SYNDIG1: variants seen among roughly 807,000 people sequenced by gnomAD.
The protein encoded by SYNDIG1 is synapse differentiation inducing 1.
A neutral mutation model predicts 19.4 loss-of-function variants in SYNDIG1; 9 were observed. The observed-to-expected ratio is 0.46, with a 90% CI of 0.28 to 0.81. The LOEUF is 0.81. Ranked by LOEUF, SYNDIG1 falls within the 30% of genes least tolerant of loss-of-function variation. The probability of loss-of-function intolerance (pLI) is 0.12; values close to 1 mark genes in which losing one functional copy is unlikely to be tolerated. For synonymous variants in SYNDIG1, 141 were observed against 145.9 expected, an observed-to-expected ratio of 0.97 and a Z score of 0.24; for missense variants, 311 against 343.3, an observed-to-expected ratio of 0.91 and a Z score of 0.74.
intron 3 of SYNDIG1, among the ~76,000 whole-genome samples, chr20:24,608,480 A>G (rs1419184353): frequency 2.6e-5 from 4 of 152,108 alleles, no homozygotes; most frequent in Admixed American, 6.5e-5. Flanking sequence ...CGCCCCACCA[A>G]TAAAATCTTA....
At chr20:24,495,303 C>T (rs1229333248) in intron 1 of SYNDIG1, 2 of 152,314 alleles carry the variant, frequency 1.3e-5, no homozygotes, top group Non-Finnish European at 2.9e-5. Flanking sequence ...CTGCCCCTGG[C>T]TTGCTGGAGG....
At chr20:24,611,382 G>GTACC (rs1312094655) in intron 3 of SYNDIG1, among the ~76,000 whole-genome samples, 1 of 152,154 alleles carries the variant, frequency 6.6e-6, no homozygotes, top group Non-Finnish European at 1.5e-5. Flanking sequence ...CAGTAAGCTG[G>GTACC]TACCTGTCCC....
At chr20:24,513,247 C>T (rs1473196258) in intron 1 of SYNDIG1, among the ~76,000 whole-genome samples, 9 of 152,208 alleles carry the variant, frequency 5.9e-5, no homozygotes, top group East Asian at 1.9e-4. Context: ...CGCAGCTCCT[C>T]GCCAGCAATG....
intron 3 of SYNDIG1, among the ~76,000 whole-genome samples, chr20:24,644,447 C>A (rs2059405572): frequency 6.6e-6 from 1 of 152,210 alleles, no homozygotes; most frequent in Non-Finnish European, 1.5e-5. Flanking sequence ...CTGGGATGCA[C>A]TTAGTGCCTT....
chr20:24,490,176 C>A (rs545399016), intron 1 of SYNDIG1, among the ~76,000 whole-genome samples: 2 of 152,176 alleles, frequency 1.3e-5, no homozygotes, highest in Non-Finnish European at 2.9e-5. Flanking sequence ...AGTGCCTCTG[C>A]GGGTCTGGTT....
intron 2 of SYNDIG1, among the ~76,000 whole-genome samples, chr20:24,555,317 T>C (rs1474007775): frequency 6.6e-6 from 1 of 152,206 alleles, no homozygotes; most frequent in Non-Finnish European, 1.5e-5. Context: ...AGTTCTGCTC[T>C]GATTTTAGTT....
intron 3 of SYNDIG1, among the ~76,000 whole-genome samples, chr20:24,590,314 A>G (rs2058487990): frequency 6.7e-6 from 1 of 148,248 alleles, no homozygotes; most frequent in Non-Finnish European, 1.5e-5. Context: ...GGAGTGGGGA[A>G]TGGGGGTAGG....
chr20:24,543,396 G>A lies in SYNDIG1; in HGVS notation c.299G>A (p.Arg100His), dbSNP rs778443324. The A allele has an allele frequency of 3.5e-5, 56 of 1,613,524 alleles. No homozygotes were observed. The highest frequency in any genetic ancestry group is 3.4e-4 in the South Asian group (31 of 91,084). Reference sequence around the variant, plus strand: ...ATCCTCTATTCAGAGGGCGTGCTGCGCTCCTGGGGGGACGGTGTGGCCGCC... The same window carrying A: ...ATCCTCTATTCAGAGGGCGTGCTGCACTCCTGGGGGGACGGTGTGGCCGCC... ...NIILYSEGVL[R>H]SWGDGVAADC... Residue 100 changes from arginine to histidine, a missense_variant, in exon 2 of 4, where the codon CGC becomes CAC. By Grantham distance (29) the Arg-to-His change is conservative. Transcript: ENST00000376862.
chr20:24,494,581 G>A (rs529106426), intron 1 of SYNDIG1, among the ~76,000 whole-genome samples: 40 of 152,344 alleles, frequency 2.6e-4, no homozygotes, highest in African/African-American at 7.7e-4. Context: ...GAGCCCCGAG[G>A]GATGAGGAGG....
chr20:24,547,159 C>T (rs2146759685), intron 2 of SYNDIG1, among the ~76,000 whole-genome samples: 1 of 152,260 alleles, frequency 6.6e-6, no homozygotes, highest in Non-Finnish European at 1.5e-5. Context: ...CAGAGCAGGG[C>T]CCCTCGTTTC....
At chr20:24,625,908 C>T (rs1367392288) in intron 3 of SYNDIG1, among the ~76,000 whole-genome samples, 2 of 152,218 alleles carry the variant, frequency 1.3e-5, no homozygotes, top group Non-Finnish European at 2.9e-5. Context: ...GGTGGCCGGG[C>T]AGAGGGGCTC....
chr20:24,470,428 G>T (rs187430069), intron 1 of SYNDIG1, among the ~76,000 whole-genome samples: 3 of 152,350 alleles, frequency 2.0e-5, no homozygotes, highest in Admixed American at 2.0e-4. Flanking sequence ...GCCTTCAAAA[G>T]CTGTCTGGCC....
chr20:24,623,417 AAGG>A (rs1375467512), intron 3 of SYNDIG1, among the ~76,000 whole-genome samples: 1 of 152,232 alleles, frequency 6.6e-6, no homozygotes, highest in Non-Finnish European at 1.5e-5. Context: ...CTTCAAACAG[AAGG>A]AAAATGTTAC....
intron 3 of SYNDIG1, among the ~76,000 whole-genome samples, chr20:24,613,896 C>T (rs1258641432): frequency 1.3e-5 from 2 of 152,198 alleles, no homozygotes; most frequent in African/African-American, 4.8e-5. Context: ...AATGGAGAGG[C>T]CATGCTGCCT....
chr20:24,613,711 G>A (rs192456645), intron 3 of SYNDIG1, among the ~76,000 whole-genome samples: 3 of 152,290 alleles, frequency 2.0e-5, no homozygotes, highest in Non-Finnish European at 4.4e-5. Context: ...ACTGACGGCC[G>A]CGCCCCTGCA....
intron 1 of SYNDIG1, chr20:24,491,492 G>C (rs1478810919): frequency 6.6e-6 from 1 of 152,242 alleles, no homozygotes; most frequent in Admixed American, 6.5e-5. Context: ...CCTGGCCCAG[G>C]GCACAGCTGC....
At chr20:24,626,634 G>A (rs1380732640) in intron 3 of SYNDIG1, among the ~76,000 whole-genome samples, 13 of 152,200 alleles carry the variant, frequency 8.5e-5, no homozygotes, top group African/African-American at 3.1e-4. Context: ...CCAGACGATG[G>A]GCGGCCAGGC....
intron 2 of SYNDIG1, among the ~76,000 whole-genome samples, chr20:24,551,747 G>C (rs1279899491): frequency 6.6e-6 from 1 of 151,946 alleles, no homozygotes; most frequent in Non-Finnish European, 1.5e-5. Flanking sequence ...TTTCTAATGA[G>C]TTATTTATTA....
At chr20:24,625,618 G>A (rs867135200) in intron 3 of SYNDIG1, among the ~76,000 whole-genome samples, 8 of 151,868 alleles carry the variant, frequency 5.3e-5, no homozygotes, top group Admixed American at 1.3e-4. Flanking sequence ...ATCTTGCACC[G>A]CCCTTAATCC....
Sources: allele counts gnomAD v4.1 joint callset (sites outside exome capture counted in the v4.1 genomes callset), GRCh38; gene constraint gnomAD v4.1.1; transcripts MANE v1.5; gene names NCBI Gene and HGNC (gene_info 2026-07-23, HGNC 2026-07-21).